GNS: variants seen among roughly 807,000 people sequenced by gnomAD.
GNS encodes N-acetylglucosamine-6-sulfatase.
Under a neutral mutation model 69.7 loss-of-function variants are expected in GNS, and 40 were observed. That is an observed-to-expected ratio of 0.57 (90% CI 0.45 to 0.75). The LOEUF (loss-of-function observed/expected upper bound fraction) is 0.75. Ranked by LOEUF, GNS falls within the 30% of genes least tolerant of loss-of-function variation. The pLI is 0.00. For missense variants in GNS, 565 were observed against 685.5 expected (o/e 0.82, Z 1.96); for synonymous variants, 243 against 251.6 (o/e 0.97, Z 0.32).
chr12:64,752,109 G>C (rs1870099154), intron 2 of GNS, among the ~76,000 whole-genome samples: 1 of 152,060 alleles, frequency 6.6e-6, no homozygotes. Flanking sequence ...AGGTTAAATA[G>C]TTTGTCCAAG....
intron 1 of GNS, among the ~76,000 whole-genome samples, chr12:64,757,693 A>G (rs764898990): frequency 1.3e-5 from 2 of 152,190 alleles, no homozygotes; most frequent in African/African-American, 4.8e-5. Context: ...ATAGATAATG[A>G]TTACCTTTAT....
chr12:64,753,847 T>TC (rs1313143954), intron 1 of GNS, among the ~76,000 whole-genome samples: 2 of 152,142 alleles, frequency 1.3e-5, no homozygotes, highest in East Asian at 3.9e-4. Context: ...AAGCAGAAGA[T>TC]CTTCGCCAGC....
At chr12:64,744,512 C>T (rs1869839789) in intron 5 of GNS, among the ~76,000 whole-genome samples, 1 of 149,642 alleles carries the variant, frequency 6.7e-6, no homozygotes, top group South Asian at 2.2e-4. Context: ...AGAGTAGGTA[C>T]ACTTACAAAG....
chr12:64,742,559 T>C (rs1191522443), intron 6 of GNS, among the ~76,000 whole-genome samples: 1 of 152,234 alleles, frequency 6.6e-6, no homozygotes, highest in East Asian at 1.9e-4. Context: ...ATTCTTTCTA[T>C]AACCTTACAA....
At position 64,714,261 on chromosome 12, in the gene GNS, G is replaced by A. The variant is rs1178599986; in HGVS notation, c.*2480C>T. On this transcript the variant is annotated 3_prime_UTR_variant, in exon 14 of 14. Transcript: ENST00000258145. The stretch of plus-strand genomic sequence containing the variant: ...GGCAAACTCTCTATTCATTCCTAAG[G>A]CCTCTGTTCATTCCTAATGTTTACA... 1 of 152,138 alleles carries A rather than the reference G, an allele frequency of 6.6e-6. No individual in the cohort carries two copies. The highest frequency in any genetic ancestry group is 2.4e-5 in the African/African-American group (1 of 41,422). The allele number at this position is 152,138 out of a possible 1,614,324, so 9.4% of individuals were successfully genotyped here. A position where few individuals can be genotyped will look rare whatever the true frequency, so the allele number is the denominator to read the frequency against.
At position 64,740,699 on chromosome 12, in the gene GNS, G is replaced by T. The variant is rs1238001692; in HGVS notation, c.793-11C>A. ...TAACCAGTGCTTGTTCTAAAATTTA[G>T]AAGAAAAAAAATGTTAACACCAAGT... is the stretch of plus-strand genomic sequence containing the variant. On this transcript the variant is annotated splice_polypyrimidine_tract_variant and intron_variant, in intron 6 of 13. Coordinates refer to ENST00000258145, the MANE Select transcript of GNS (RefSeq NM_002076.4). 1 of 1,418,992 alleles carries T rather than the reference G, an allele frequency of 7.0e-7. No individual in the cohort carries two copies. Among genetic ancestry groups the T allele is most frequent in the Non-Finnish European group, 1.0e-6 (1 of 1,003,038 alleles). The allele number at this position is 1,418,992 out of a possible 1,614,324, so 87.9% of individuals were successfully genotyped here.
At chr12:64,755,005 A>T (rs1230511094) in intron 1 of GNS, among the ~76,000 whole-genome samples, 2 of 152,118 alleles carry the variant, frequency 1.3e-5, no homozygotes, top group Non-Finnish European at 2.9e-5. Flanking sequence ...AAACCACACT[A>T]CTCAAAATGT....
In GNS at chr12:64,745,204, CTTTTTTTTTTTTTTT is replaced by C. The variant is rs141453545; in HGVS notation, c.526-312_526-298del. Among the ~76,000 whole-genome samples the C allele has an allele frequency of 9.7e-4, 41 of 42,354 alleles. 3 individuals are homozygous for C. The East Asian group carries it at 0.026, about 27-fold the overall frequency. 27.8% of individuals were successfully genotyped at this position (42,354 alleles called of 152,430 possible). A position where few individuals can be genotyped will look rare whatever the true frequency, so the allele number is the denominator to read the frequency against. ...AAGGAGTGACTCACAAGTCAATAGACTTTTTTTTTTTTTTTTTTTTTTTTTTTTTTAAAGAGACAG... is the reference window on the plus strand; with the variant it reads ...AAGGAGTGACTCACAAGTCAATAGACTTTTTTTTTTTTTTTAAAGAGACAG... On this transcript the variant is annotated intron_variant, in intron 4 of 13. Transcript: ENST00000258145.
chr12:64,745,153 G>A (rs1366830963), intron 4 of GNS, among the ~76,000 whole-genome samples: 3 of 142,630 alleles, frequency 2.1e-5, no homozygotes, highest in South Asian at 2.2e-4. Context: ...GCTAAACCTT[G>A]TACAATGCAG....
At chr12:64,719,912 TAAAGCAGAAG>T in intron 13 of GNS, 100 bp downstream of exon 13, 1 of 791,514 alleles carries the variant, frequency 1.3e-6, no homozygotes. Context: ...GTATTCCCTC[TAAAGCAGAAG>T]AATCATCATC....
chr12:64,758,309 C>CTTTTTTTTTT (rs139394351), intron 1 of GNS, among the ~76,000 whole-genome samples: 2 of 67,368 alleles, frequency 3.0e-5, no homozygotes, highest in Non-Finnish European at 5.5e-5. Flanking sequence ...CACTTCAGGC[C>CTTTTTTTTTT]TTTTTTTTTT....
Position 64,759,283 on chromosome 12 carries a change from C to T in GNS, c.-7G>A, listed in dbSNP as rs963478962. On this transcript the variant is annotated 5_prime_UTR_variant, in exon 1 of 14. Coordinates refer to ENST00000258145, the MANE Select transcript of GNS (RefSeq NM_002076.4). Reference sequence around the variant, plus strand: ...CTAGAGGCAGGAGCCGCATAGCGGACAGGCTCCGGGGTGACCCCGGGACGG... The same window carrying T: ...CTAGAGGCAGGAGCCGCATAGCGGATAGGCTCCGGGGTGACCCCGGGACGG... The T allele has an allele frequency of 6.0e-6, 9 of 1,510,110 alleles. No individual in the cohort carries two copies. The highest frequency in any genetic ancestry group is 8.0e-6 in the Non-Finnish European group (9 of 1,129,016). 93.5% of individuals were successfully genotyped at this position (1,510,110 alleles called of 1,614,324 possible). A position where few individuals can be genotyped will look rare whatever the true frequency, so the allele number is the denominator to read the frequency against.
intron 2 of GNS, 68 bp from the exon 3 acceptor site, chr12:64,747,986 G>C: frequency 3.4e-6 from 3 of 871,438 alleles, no homozygotes; most frequent in Non-Finnish European, 4.0e-6. Context: ...CATTGTTAAA[G>C]AGAGTAAAGA....
intron 3 of GNS, 64 bp from the exon 4 acceptor site, chr12:64,745,788 A>G: frequency 9.7e-7 from 1 of 1,033,214 alleles, no homozygotes; most frequent in African/African-American, 1.6e-5. Context: ...AGAAAGAAAC[A>G]GGAAATTTTA....
chr12:64,757,573 A>G (rs1774948066), intron 1 of GNS, among the ~76,000 whole-genome samples: 1 of 152,216 alleles, frequency 6.6e-6, no homozygotes, highest in African/African-American at 2.4e-5. Flanking sequence ...TATGGCAGGA[A>G]GAAATGTGTA....
intron 10 of GNS, among the ~76,000 whole-genome samples, chr12:64,727,475 T>C (rs1472337903): frequency 6.6e-6 from 1 of 151,988 alleles, no homozygotes; most frequent in Non-Finnish European, 1.5e-5. Flanking sequence ...TTATTCATAA[T>C]AGCCAAAAAG....
At chr12:64,730,020 G>C (rs1869331334) in intron 9 of GNS, among the ~76,000 whole-genome samples, 1 of 152,186 alleles carries the variant, frequency 6.6e-6, no homozygotes, top group South Asian at 2.1e-4. Context: ...ACAGCCACAA[G>C]TGGATAATGC....
chr12:64,728,871 T>C lies in GNS; in HGVS notation c.1200+85A>G, dbSNP rs922352731. ...TCTGCCCCCAAATTTAATAGTATTA[T>C]TTAATATTTAAATGCTTAAGTCTTT... On this transcript the variant is annotated intron_variant, in intron 10 of 13. Transcript: ENST00000258145. 9 of 736,262 alleles carry C rather than the reference T, an allele frequency of 1.2e-5. No homozygotes were observed. In the African/African-American group the frequency reaches 1.6e-4, roughly 13 times the overall value. 45.6% of individuals were successfully genotyped at this position (736,262 alleles called of 1,614,324 possible). A position where few individuals can be genotyped will look rare whatever the true frequency, so the allele number is the denominator to read the frequency against.
intron 7 of GNS, 65 bp from the exon 8 acceptor site, chr12:64,739,564 CAAAAA>C (rs368881275): frequency 3.4e-6 from 1 of 296,688 alleles, no homozygotes. Flanking sequence ...ACTATCTTGC[CAAAAA>C]AAAAAAAAAC....
Sources: allele counts gnomAD v4.1 joint callset (sites outside exome capture counted in the v4.1 genomes callset), GRCh38; gene constraint gnomAD v4.1.1; transcripts MANE v1.5; gene names NCBI Gene and HGNC (gene_info 2026-07-23, HGNC 2026-07-21).